The following MBD5 variants were observed in gnomAD, a reference collection of about 807,000 sequenced individuals.
MBD5 encodes methyl-CpG-binding domain protein 5.
Under a neutral mutation model 117.3 loss-of-function variants are expected in MBD5, and 13 were observed. The observed-to-expected ratio is 0.11, with a 90% CI of 0.07 to 0.18. MBD5 has a LOEUF of 0.18. Ranked by LOEUF, MBD5 falls within the 10% of genes least tolerant of loss-of-function variation. The pLI is 1.00. For missense variants in MBD5, 1,879 were observed against 2,093.8 expected, an observed-to-expected ratio of 0.90 and a Z score of 2.00; for synonymous variants, 727 against 766.4, an observed-to-expected ratio of 0.95 and a Z score of 0.85.
rs192433444 is a variant in MBD5 at position 148,443,954 on chromosome 2, C to T, written c.-556-14249C>T. 6.8e-3 allele frequency among the ~76,000 whole-genome samples: 1,031 copies of T among 151,334 alleles called. 14 individuals are homozygous for T. The highest frequency in any genetic ancestry group is 0.01 in the Non-Finnish European group (709 of 67,984). ...TTGACATGATGGATACCCCATTTAT[C>T]CTAATGTGATTATTATGCATTGCAT... On this transcript the variant is annotated intron_variant, in intron 4 of 13. Transcript: ENST00000642680.
chr2:148,460,798 G>A lies in MBD5; in HGVS notation c.114-1784G>A, dbSNP rs908316129. On this transcript the variant is annotated intron_variant, in intron 5 of 13. Transcript: ENST00000642680. ...ACTTTAATAGAATTAAGGAATTCAT[G>A]TCTTCAGGTTTAATTTTACAATTAA... 5.8e-4 allele frequency among the ~76,000 whole-genome samples: 88 copies of A among 152,186 alleles called. 1 individual carries two copies. The highest frequency in any genetic ancestry group is 2.0e-3 in the African/African-American group (83 of 41,444).
At chr2:148,198,890 G>C (rs1000198857) in intron 2 of MBD5, among the ~76,000 whole-genome samples, 1 of 151,788 alleles carries the variant, frequency 6.6e-6, no homozygotes, top group Non-Finnish European at 1.5e-5. Flanking sequence ...GTATTGTTCA[G>C]GGTTCTCCAG....
chr2:148,142,449 AG>A (rs1383314110), intron 1 of MBD5, among the ~76,000 whole-genome samples: 3 of 152,178 alleles, frequency 2.0e-5, no homozygotes, highest in African/African-American at 7.2e-5. Context: ...CAAAATTGTA[AG>A]GGAAACAAAT....
At chr2:148,355,482 T>G (rs1201725429) in intron 4 of MBD5, among the ~76,000 whole-genome samples, 3 of 152,162 alleles carry the variant, frequency 2.0e-5, no homozygotes, top group African/African-American at 7.2e-5. Flanking sequence ...GGGATCCAGT[T>G]TCTGTTTTCT....
intron 8 of MBD5, among the ~76,000 whole-genome samples, chr2:148,482,120 A>T (rs73965438): frequency 0.021 from 3,174 of 152,308 alleles, 116 homozygotes; most frequent in African/African-American, 0.072. Context: ...ATAGGAATGT[A>T]AAAACTTCAC....
chr2:148,292,880 C>T lies in MBD5; in HGVS notation c.-679-49334C>T, dbSNP rs529195963. 9.5e-5 allele frequency among the ~76,000 whole-genome samples: 14 copies of T among 147,366 alleles called. No individual in the cohort carries two copies. The South Asian group carries it at 3.0e-3, about 32-fold the overall frequency. On this transcript the variant is annotated intron_variant, in intron 3 of 13. Coordinates refer to ENST00000642680, the MANE Select transcript of MBD5 (RefSeq NM_001378120.1). ...TGTGGTACCTATACACAACAGAGTA[C>T]CATTCAGCCATAAAAAAAAAAAAGG...
chr2:148,088,656 A>T (rs1047533550), intron 1 of MBD5, among the ~76,000 whole-genome samples: 8 of 152,184 alleles, frequency 5.3e-5, no homozygotes, highest in African/African-American at 2.4e-5. Flanking sequence ...ACAAACAAAT[A>T]CTGAGAGAAT....
chr2:148,315,494 G>A (rs1702137446), intron 3 of MBD5, among the ~76,000 whole-genome samples: 1 of 152,090 alleles, frequency 6.6e-6, no homozygotes, highest in Non-Finnish European at 1.5e-5. Flanking sequence ...TGAAGAGTCG[G>A]GAAGATGCTT....
intron 1 of MBD5, among the ~76,000 whole-genome samples, chr2:148,102,762 GAAGA>G (rs139755486): frequency 0.14 from 5,479 of 39,614 alleles, 114 homozygotes; most frequent in Non-Finnish European, 0.16. Context: ...AGAGAGAGAG[GAAGA>G]GAGAGAGAGA....
At chr2:148,048,624 G>C (rs1490521024) in intron 1 of MBD5, among the ~76,000 whole-genome samples, 2 of 152,132 alleles carry the variant, frequency 1.3e-5, no homozygotes, top group South Asian at 2.1e-4. Context: ...GTAGAGAAGA[G>C]TAAGGCTTTC....
At chr2:148,410,372 C>T (rs1056251197) in intron 4 of MBD5, among the ~76,000 whole-genome samples, 2 of 152,100 alleles carry the variant, frequency 1.3e-5, no homozygotes, top group Non-Finnish European at 2.9e-5. Context: ...GTCCGTTTTA[C>T]TTTGGGGCTC....
intron 1 of MBD5, among the ~76,000 whole-genome samples, chr2:148,108,970 A>T (rs147875012): frequency 8.7e-4 from 133 of 152,344 alleles, no homozygotes; most frequent in Admixed American, 1.8e-3. Context: ...AATTAGGGAA[A>T]AAAGGATGGA....
chr2:148,360,793 T>C (rs1207097982), intron 4 of MBD5, among the ~76,000 whole-genome samples: 1 of 152,184 alleles, frequency 6.6e-6, no homozygotes, highest in Admixed American at 6.5e-5. Flanking sequence ...TATATGATCA[T>C]TTTTCTAAGC....
At chr2:148,477,292 G>T (rs7569399) in intron 8 of MBD5, among the ~76,000 whole-genome samples, 1 of 151,916 alleles carries the variant, frequency 6.6e-6, no homozygotes, top group Non-Finnish European at 1.5e-5. Context: ...TGTTGAGTGT[G>T]GAGAGCATTT....
At chr2:148,181,950 C>CT (rs917075769) in intron 2 of MBD5, among the ~76,000 whole-genome samples, 7 of 151,700 alleles carry the variant, frequency 4.6e-5, no homozygotes, top group Non-Finnish European at 1.0e-4. Context: ...ACAGATTGTT[C>CT]TTTTTTTTGA....
intron 4 of MBD5, among the ~76,000 whole-genome samples, chr2:148,354,634 A>G (rs1703329794): frequency 6.6e-6 from 1 of 152,180 alleles, no homozygotes; most frequent in African/African-American, 2.4e-5. Flanking sequence ...TATACCCAGT[A>G]ATGGGATTGC....
At chr2:148,102,209 T>C (rs1574014899) in intron 1 of MBD5, among the ~76,000 whole-genome samples, 1 of 152,342 alleles carries the variant, frequency 6.6e-6, no homozygotes, top group East Asian at 1.9e-4. Flanking sequence ...TCACCTACTT[T>C]GTCCAAATCT....
At chr2:148,497,203 T>C (rs1200423364) in intron 11 of MBD5, among the ~76,000 whole-genome samples, 4 of 152,044 alleles carry the variant, frequency 2.6e-5, no homozygotes, top group Non-Finnish European at 5.9e-5. Context: ...ACTTAAATTT[T>C]TTCTTTAAAT....
In MBD5 at chr2:148,406,807, C is replaced by G. The variant is rs1356867813; in HGVS notation, c.-556-51396C>G. On this transcript the variant is annotated intron_variant, in intron 4 of 13. Transcript: ENST00000642680. ...TGTTTCTGTTGCCTGGAATACTCTT[C>G]CCCTGATTCTCTTCCTACGGTCAGC... Among the ~76,000 whole-genome samples, 5 of 152,158 alleles carry G rather than the reference C, an allele frequency of 3.3e-5. No homozygotes were observed. The South Asian group carries it at 6.2e-4, about 19-fold the overall frequency.
Sources: allele counts gnomAD v4.1 joint callset (sites outside exome capture counted in the v4.1 genomes callset), GRCh38; gene constraint gnomAD v4.1.1; transcripts MANE v1.5; gene names NCBI Gene and HGNC (gene_info 2026-07-23, HGNC 2026-07-21).